The following DGKB variants were observed in gnomAD, a reference collection of about 807,000 sequenced individuals.
DGKB encodes the protein 90 kDa diacylglycerol kinase.
In DGKB, 67 loss-of-function variants were observed where a neutral mutation model predicts 114.3. The ratio of observed to expected loss-of-function variants is 0.59; its 90% CI spans 0.48 to 0.72. DGKB has a LOEUF of 0.72. Ranked by LOEUF, DGKB falls within the 30% of genes least tolerant of loss-of-function variation. The pLI is 0.00. For synonymous variants in DGKB, 398 were observed against 323.1 expected, an observed-to-expected ratio of 1.23 and a Z score of -2.49; for missense variants, 907 against 975.2, an observed-to-expected ratio of 0.93 and a Z score of 0.93.
At chr7:14,908,480 C>A (rs983825815) in intron 1 of DGKB, among the ~76,000 whole-genome samples, 7 of 152,268 alleles carry the variant, frequency 4.6e-5, no homozygotes, top group Non-Finnish European at 1.0e-4. Flanking sequence ...AGAAAACCTC[C>A]ATCTAATAGC....
chr7:14,571,669 T>G (rs1798402080), intron 20 of DGKB, among the ~76,000 whole-genome samples: 1 of 152,214 alleles, frequency 6.6e-6, no homozygotes, highest in Non-Finnish European at 1.5e-5. Context: ...GTTTTGTACA[T>G]GAGCGGAAGA....
chr7:14,477,406 G>C (rs895001870), intron 21 of DGKB, among the ~76,000 whole-genome samples: 2 of 152,160 alleles, frequency 1.3e-5, no homozygotes, highest in African/African-American at 4.8e-5. Flanking sequence ...AGAAATGCTA[G>C]TTATGGTTTT....
intron 13 of DGKB, among the ~76,000 whole-genome samples, chr7:14,641,866 GA>G (rs1159560486): frequency 6.6e-6 from 1 of 151,962 alleles, no homozygotes; most frequent in Non-Finnish European, 1.5e-5. Context: ...GACAAAATTA[GA>G]AATCATTTTG....
chr7:14,860,889 A>T (rs1850878639), intron 1 of DGKB, among the ~76,000 whole-genome samples: 1 of 151,978 alleles, frequency 6.6e-6, no homozygotes, highest in African/African-American at 2.4e-5. Flanking sequence ...TTAGGAAAAT[A>T]CAATTATAAA....
At chr7:14,752,109 G>A (rs367849536) in intron 4 of DGKB, among the ~76,000 whole-genome samples, 6 of 152,194 alleles carry the variant, frequency 3.9e-5, no homozygotes, top group African/African-American at 1.4e-4. Context: ...ATTCGGTTCA[G>A]TCAGACTCCT....
At chr7:14,781,214 A>C (rs1255110179) in intron 2 of DGKB, among the ~76,000 whole-genome samples, 1 of 152,220 alleles carries the variant, frequency 6.6e-6, no homozygotes, top group East Asian at 1.9e-4. Context: ...AAAAATAACA[A>C]GGGTGGAGGG....
chr7:14,675,555 A>C (rs1819704140), intron 12 of DGKB, among the ~76,000 whole-genome samples: 1 of 151,784 alleles, frequency 6.6e-6, no homozygotes. Context: ...GGAGTTTCAG[A>C]GCATAGGTAC....
intron 1 of DGKB, among the ~76,000 whole-genome samples, chr7:14,915,099 G>C (rs938365055): frequency 7.2e-5 from 11 of 152,188 alleles, no homozygotes; most frequent in Non-Finnish European, 1.6e-4. Context: ...AGGCATGGTG[G>C]CTCACACCTG....
At chr7:14,400,057 G>T (rs1191592861) in intron 21 of DGKB, among the ~76,000 whole-genome samples, 1 of 151,966 alleles carries the variant, frequency 6.6e-6, no homozygotes, top group African/African-American at 2.4e-5. Flanking sequence ...TTTGTATGCT[G>T]AAGTGCGTGT....
intron 2 of DGKB, among the ~76,000 whole-genome samples, chr7:14,760,085 A>G (rs910301743): frequency 4.6e-5 from 7 of 152,004 alleles, no homozygotes; most frequent in African/African-American, 1.2e-4. Flanking sequence ...AAGTTCTTTG[A>G]CCATTTTTTA....
chr7:14,896,721 A>T (rs1782159057), intron 1 of DGKB, among the ~76,000 whole-genome samples: 1 of 151,796 alleles, frequency 6.6e-6, no homozygotes, highest in Admixed American at 6.6e-5. Context: ...TAAAGCATAG[A>T]ATTTAAGTTA....
intron 23 of DGKB, among the ~76,000 whole-genome samples, chr7:14,279,938 TA>T (rs974721216): frequency 5.3e-5 from 8 of 151,740 alleles, no homozygotes; most frequent in African/African-American, 1.9e-4. Context: ...CTGGAAACTC[TA>T]AAAATCAGAG....
At chr7:14,622,403 T>C (rs1316643710) in intron 14 of DGKB, among the ~76,000 whole-genome samples, 1 of 152,118 alleles carries the variant, frequency 6.6e-6, no homozygotes, top group Non-Finnish European at 1.5e-5. Flanking sequence ...CTTCATTCAT[T>C]CCCACAACTT....
intron 20 of DGKB, among the ~76,000 whole-genome samples, chr7:14,534,111 T>C (rs1792033489): frequency 6.6e-6 from 1 of 152,046 alleles, no homozygotes; most frequent in Admixed American, 6.6e-5. Context: ...AAATTTTGTT[T>C]AATAAATAAA....
intron 4 of DGKB, among the ~76,000 whole-genome samples, chr7:14,746,946 T>A (rs1360194318): frequency 8.1e-6 from 1 of 123,850 alleles, no homozygotes; most frequent in Non-Finnish European, 1.5e-5. Context: ...AAGGCAATAA[T>A]TCTAAAAAAA....
intron 2 of DGKB, among the ~76,000 whole-genome samples, chr7:14,780,650 T>C (rs1184301448): frequency 6.6e-6 from 1 of 152,178 alleles, no homozygotes; most frequent in Non-Finnish European, 1.5e-5. Context: ...TCACACTGCT[T>C]ATGTGCCTTT....
rs1795614244 is a variant in DGKB at position 14,554,657 on chromosome 7, T to C, written c.1770+19555A>G. Among the ~76,000 whole-genome samples, 3 of 152,180 alleles carry C rather than the reference T, an allele frequency of 2.0e-5. No individual in the cohort carries two copies. In the South Asian group the frequency reaches 6.2e-4, roughly 31 times the overall value. ...GGTGATTTTTCTATTTACATCATCA[T>C]GTCAATAAGTATGACAGCATCATAC... is the stretch of plus-strand genomic sequence containing the variant. On this transcript the variant is annotated intron_variant, in intron 20 of 25. Coordinates refer to ENST00000402815, the MANE Select transcript of DGKB (RefSeq NM_001350709.2).
intron 1 of DGKB, among the ~76,000 whole-genome samples, chr7:14,882,614 T>A (rs1854410132): frequency 1.3e-5 from 2 of 151,974 alleles, no homozygotes; most frequent in African/African-American, 2.4e-5. Flanking sequence ...CTTCTGAGTC[T>A]CTATTGTCTA....
intron 23 of DGKB, among the ~76,000 whole-genome samples, chr7:14,337,763 C>A (rs1431487026): frequency 6.6e-6 from 1 of 152,014 alleles, no homozygotes; most frequent in African/African-American, 2.4e-5. Context: ...TAGGTAAATT[C>A]TAGAAGGTAA....
Sources: allele counts gnomAD v4.1 joint callset (sites outside exome capture counted in the v4.1 genomes callset), GRCh38; gene constraint gnomAD v4.1.1; transcripts MANE v1.5; gene names NCBI Gene and HGNC (gene_info 2026-07-23, HGNC 2026-07-21).